The following FAM111B variants were observed in gnomAD, a reference collection of about 807,000 sequenced individuals.
The protein encoded by FAM111B is FAM111 trypsin like peptidase B.
In FAM111B, 1 loss-of-function variant was observed where a neutral mutation model predicts 2.8. The ratio of observed to expected loss-of-function variants is 0.36; its 90% CI spans 0.13 to 1.70. FAM111B has a LOEUF of 1.70. Among genes scored for constraint, FAM111B ranks in the 40% most tolerant of loss-of-function variants. The pLI is 0.35. For missense variants in FAM111B, 882 were observed against 878.9 expected, an observed-to-expected ratio of 1.00 and a Z score of -0.04; for synonymous variants, 297 against 295.6, an observed-to-expected ratio of 1.00 and a Z score of -0.05.
intron 3 of FAM111B, among the ~76,000 whole-genome samples, chr11:59,111,376 T>A (rs1859755876): frequency 6.6e-6 from 1 of 152,206 alleles, no homozygotes; most frequent in African/African-American, 2.4e-5. Context: ...GTATCTTTTT[T>A]TTCTTTGAAT....
At position 59,109,694 on chromosome 11, in the gene FAM111B, T is replaced by C. The variant is rs951328873; in HGVS notation, c.69T>C (p.Pro23=). ...SAMEDDQRTR[P]EVSKDTVMKQ... ...TGGAAGATGACCAGAGGACTAGACC[T>C]GAAGTTTCAAAGGTATATCTACTTT... The change falls in exon 3 of 4, where the codon CCT becomes CCC. Residue 23 remains proline (P), a synonymous_variant. Transcript: ENST00000343597. 1 of 1,610,140 alleles carries C rather than the reference T, an allele frequency of 6.2e-7. No homozygotes were observed. The highest frequency in any genetic ancestry group is 8.5e-7 in the Non-Finnish European group (1 of 1,177,592).
At position 59,125,706 on chromosome 11, in the gene FAM111B, A is replaced by G; in HGVS notation, c.1609A>G (p.Lys537Glu). The G allele has an allele frequency of 6.2e-7, 1 of 1,613,896 alleles. No individual in the cohort carries two copies. Among genetic ancestry groups the G allele is most frequent in the Non-Finnish European group, 8.5e-7 (1 of 1,179,818 alleles). The change falls in exon 4 of 4, where the codon AAA becomes GAA. Residue 537 changes from lysine (K) to glutamate (E), a missense_variant. Transcript: ENST00000343597. ...TTGGTTTTCCATTGAGCCATGGCTTAAAGTGTCCAATGAAAATCTAGATTA... is the reference window on the plus strand; with the variant it reads ...TTGGTTTTCCATTGAGCCATGGCTTGAAGTGTCCAATGAAAATCTAGATTA... ...DNWFSIEPWL[K>E]VSNENLDYAI...
chr11:59,124,836 A>G lies in FAM111B; in HGVS notation c.739A>G (p.Lys247Glu). 6.2e-7 allele frequency: 1 copy of G among 1,613,862 alleles called. No homozygotes were observed. Among genetic ancestry groups the G allele is most frequent in the Non-Finnish European group, 8.5e-7 (1 of 1,179,848 alleles). The change falls in exon 4 of 4, where the codon AAG becomes GAG. Residue 247 changes from lysine (K) to glutamate (E), a missense_variant. Lys to Glu is a moderately conservative substitution (Grantham distance 56). Coordinates refer to ENST00000343597, the MANE Select transcript of FAM111B (RefSeq NM_198947.4). ...EFEWKLKEGHKKIYGKQSMVD... is the reference protein window; with the variant it reads ...EFEWKLKEGHEKIYGKQSMVD... ...TGAATGGAAACTAAAGGAAGGTCAT[A>G]AGAAAATTTATGGAAAACAGTCCAT... is the stretch of plus-strand genomic sequence containing the variant.
At position 59,125,455 on chromosome 11, in the gene FAM111B, A is replaced by G. The variant is rs150273249; in HGVS notation, c.1358A>G (p.Gln453Arg). 2.5e-5 allele frequency: 40 copies of G among 1,613,922 alleles called. No homozygotes were observed. The highest frequency in any genetic ancestry group is 2.8e-5 in the Non-Finnish European group (33 of 1,179,880). Residue 453 changes from glutamine (Q) to arginine (R), a missense_variant, in exon 4 of 4, where the codon CAG (glutamine) becomes CGG (arginine). Physicochemically the swap from Gln to Arg is conservative, Grantham distance 43. Coordinates refer to ENST00000343597, the MANE Select transcript of FAM111B (RefSeq NM_198947.4). Reference sequence around the variant, plus strand: ...TCTGTTTCAGTTGCAACCTGCGAACAGCTTACATATTATAGCAAGTCAGTT... The same window carrying G: ...TCTGTTTCAGTTGCAACCTGCGAACGGCTTACATATTATAGCAAGTCAGTT... Reference protein sequence around the residue: ...ANSVSVATCEQLTYYSKSVGF... With the variant: ...ANSVSVATCERLTYYSKSVGF...
chr11:59,111,024 T>C (rs1256514540), intron 3 of FAM111B, among the ~76,000 whole-genome samples: 1 of 152,188 alleles, frequency 6.6e-6, no homozygotes, highest in Non-Finnish European at 1.5e-5. Context: ...GAGCTCTTAA[T>C]TCAGTGGTAT....
rs775417936 is a variant in FAM111B, at chr11:59,124,952, G to A, written c.855G>A (p.Gln285=). Residue 285 remains glutamine, a synonymous_variant, in exon 4 of 4, where the codon CAG becomes CAA. Coordinates refer to ENST00000343597, the MANE Select transcript of FAM111B (RefSeq NM_198947.4). The stretch of plus-strand genomic sequence containing the variant: ...AAGATATCCATAAAAAAATTAAACA[G>A]AATGAAAGTGCCACTGATGAAATTA... ...QQKDIHKKIK[Q]NESATDEINH... The A allele has an allele frequency of 2.5e-6, 4 of 1,608,080 alleles. 1 individual carries two copies. In the Admixed American group the frequency reaches 6.8e-5, roughly 27 times the overall value.
chr11:59,112,712 C>T (rs754582368), intron 3 of FAM111B, among the ~76,000 whole-genome samples: 3 of 152,112 alleles, frequency 2.0e-5, no homozygotes, highest in Non-Finnish European at 2.9e-5. Flanking sequence ...GTAATGGCAT[C>T]GTTTTGTGGT....
At position 59,114,849 on chromosome 11, in the gene FAM111B, G is replaced by A. The variant is rs575477152; in HGVS notation, c.81+5143G>A. Among the ~76,000 whole-genome samples, 4 of 152,086 alleles carry A rather than the reference G, an allele frequency of 2.6e-5. No homozygotes were observed. In the South Asian group the frequency reaches 6.2e-4, roughly 24 times the overall value. ...ACGTGTGTGTGTGTGTTTTGATATGGGCAGAAGGGAAAAGAGAATGGCGGA... is the reference window on the plus strand; with the variant it reads ...ACGTGTGTGTGTGTGTTTTGATATGAGCAGAAGGGAAAAGAGAATGGCGGA... On this transcript the variant is annotated intron_variant, in intron 3 of 3. Transcript: ENST00000343597.
At chr11:59,113,946 AAAG>A (rs1321731606) in intron 3 of FAM111B, among the ~76,000 whole-genome samples, 3 of 152,264 alleles carry the variant, frequency 2.0e-5, no homozygotes, top group Non-Finnish European at 4.4e-5. Flanking sequence ...TAGGCATGTG[AAAG>A]AAGGACAGAG....
intron 3 of FAM111B, among the ~76,000 whole-genome samples, chr11:59,114,986 G>T (rs1859817891): frequency 6.6e-6 from 1 of 152,162 alleles, no homozygotes; most frequent in African/African-American, 2.4e-5. Flanking sequence ...CAACATTGAA[G>T]ATAGAGAAAA....
At chr11:59,116,066 G>C (rs963188026) in intron 3 of FAM111B, among the ~76,000 whole-genome samples, 4 of 152,112 alleles carry the variant, frequency 2.6e-5, no homozygotes, top group Non-Finnish European at 5.9e-5. Context: ...CTCACTTTGG[G>C]AATGCTGTGA....
rs1193314501 is a variant in FAM111B, at chr11:59,125,859, G to C, written c.1762G>C (p.Asp588His). The C allele has an allele frequency of 6.2e-7, 1 of 1,613,794 alleles. No homozygotes were observed. Among genetic ancestry groups the C allele is most frequent in the East Asian group, 2.2e-5 (1 of 44,886 alleles). The part of the protein sequence containing the change: ...GHPEGQIKKI[D>H]GCTVIPLNER... ...TCCTGAAGGCCAGATCAAGAAAATAGATGGTTGTACTGTGATTCCTCTAAA... is the reference window on the plus strand; with the variant it reads ...TCCTGAAGGCCAGATCAAGAAAATACATGGTTGTACTGTGATTCCTCTAAA... Residue 588 changes from aspartate (D) to histidine (H), a missense_variant, in exon 4 of 4, where the codon GAT (aspartate) becomes CAT (histidine). Coordinates refer to ENST00000343597, the MANE Select transcript of FAM111B (RefSeq NM_198947.4).
At chr11:59,109,152 T>G (rs1859714599) in intron 2 of FAM111B, among the ~76,000 whole-genome samples, 1 of 152,202 alleles carries the variant, frequency 6.6e-6, no homozygotes, top group African/African-American at 2.4e-5. Flanking sequence ...ATCTGCTTCT[T>G]TTGGGTACTT....
chr11:59,118,141 C>T (rs553407248), intron 3 of FAM111B, among the ~76,000 whole-genome samples: 121 of 152,270 alleles, frequency 7.9e-4, no homozygotes, highest in South Asian at 3.5e-3. Context: ...CAGTGGAAAG[C>T]GGGAGTTGGG....
At chr11:59,113,681 T>A (rs1238922565) in intron 3 of FAM111B, among the ~76,000 whole-genome samples, 1 of 151,970 alleles carries the variant, frequency 6.6e-6, no homozygotes, top group East Asian at 1.9e-4. Flanking sequence ...ACAGATGGAG[T>A]CACGTCTCTA....
chr11:59,122,551 A>T (rs1324287823), intron 3 of FAM111B, among the ~76,000 whole-genome samples: 2 of 152,234 alleles, frequency 1.3e-5, no homozygotes, highest in Non-Finnish European at 2.9e-5. Flanking sequence ...GCTGAGGACT[A>T]TTCACAGGAT....
Position 59,121,867 on chromosome 11 carries a change from G to A in FAM111B, c.82-2312G>A, listed in dbSNP as rs138432072. 9.5e-3 allele frequency among the ~76,000 whole-genome samples: 1,449 copies of A among 152,272 alleles called. 24 individuals carry two copies. Among genetic ancestry groups the A allele is most frequent in the African/African-American group, 0.033 (1,374 of 41,530 alleles). On this transcript the variant is annotated intron_variant, in intron 3 of 3. Coordinates refer to ENST00000343597, the MANE Select transcript of FAM111B (RefSeq NM_198947.4). ...GAACCTCAGAAAAGTAGTGCAGGCC[G>A]GGCGCAGTGGCTCACACCTGTAATC...
intron 2 of FAM111B, among the ~76,000 whole-genome samples, chr11:59,109,149 T>C (rs1380878710): frequency 6.6e-6 from 1 of 152,180 alleles, no homozygotes; most frequent in African/African-American, 2.4e-5. Flanking sequence ...TACATCTGCT[T>C]CTTTTGGGTA....
In FAM111B at chr11:59,126,149, T is replaced by C; in HGVS notation, c.2052T>C (p.Gly684=). ...ATGTGCATGCCCTTATTGAATTTGG[T>C]TATTCTATGGATTCTATTCTTTGTG... ...GFNVHALIEF[G]YSMDSILCDI... is the part of the protein sequence containing the mutation. Residue 684 remains glycine (G), a synonymous_variant, in exon 4 of 4, where the codon GGT becomes GGC. Transcript: ENST00000343597. 5.0e-6 allele frequency: 8 copies of C among 1,612,702 alleles called. No individual in the cohort carries two copies. The highest frequency in any genetic ancestry group is 6.8e-6 in the Non-Finnish European group (8 of 1,179,530).
Sources: gnomAD v4.1 joint callset for allele counts (sites outside exome capture counted in the v4.1 genomes callset) on GRCh38, gnomAD v4.1.1 for gene constraint, MANE v1.5 for transcripts, NCBI Gene and HGNC (gene_info 2026-07-23, HGNC 2026-07-21) for gene names.